Variants in SULF1 observed in about 807,000 individuals in gnomAD.
The protein encoded by SULF1 is extracellular sulfatase Sulf-1.
Under a neutral mutation model 110.5 loss-of-function variants are expected in SULF1, and 46 were observed. The observed-to-expected ratio is 0.42, with a 90% CI of 0.33 to 0.53. The LOEUF is 0.53. Among genes scored for constraint, SULF1 ranks in the 20% least tolerant of loss-of-function variants. The pLI is 0.12. For missense variants in SULF1, 941 were observed against 1,094.2 expected (o/e 0.86, Z 1.98); for synonymous variants, 371 against 387.1 (o/e 0.96, Z 0.49).
rs1429940379 is a variant in SULF1, at chr8:69,659,106, T to G, written c.*571T>G. On this transcript the variant is annotated 3_prime_UTR_variant, in exon 23 of 23. Transcript: ENST00000402687. ...GGCACCCGAAAGAACTTCCCCAGTA[T>G]GGTGGTCCTGGAAAGGACATTTTTG... The G allele has an allele frequency of 2.2e-6, 1 of 456,756 alleles. No individual in the cohort carries two copies. The highest frequency in any genetic ancestry group is 6.9e-5 in the East Asian group (1 of 14,398). 28.3% of individuals were successfully genotyped at this position (456,756 alleles called of 1,614,324 possible).
At chr8:69,489,571 CTTTTTTTT>C (rs61391745), upstream of SULF1, among the ~76,000 whole-genome samples, 8 of 91,982 alleles carry the variant, frequency 8.7e-5, no homozygotes, top group East Asian at 2.3e-3. Context: ...CTTTCTTTCT[CTTTTTTTT>C]TTTTTTTTTT....
At chr8:69,582,103 A>C (rs1806112442) in intron 6 of SULF1, among the ~76,000 whole-genome samples, 1 of 152,220 alleles carries the variant, frequency 6.6e-6, no homozygotes, top group African/African-American at 2.4e-5. Context: ...AAAATATCCT[A>C]CAAAGTAAAA....
chr8:69,654,967 A>T (rs575159757), intron 22 of SULF1, among the ~76,000 whole-genome samples: 1 of 152,334 alleles, frequency 6.6e-6, no homozygotes, highest in African/African-American at 2.4e-5. Context: ...GAAGAAATGT[A>T]ACTTGGTGGT....
At chr8:69,544,074 C>T (rs148492200) in intron 3 of SULF1, among the ~76,000 whole-genome samples, 22 of 152,122 alleles carry the variant, frequency 1.4e-4, no homozygotes, top group Admixed American at 1.2e-3. Flanking sequence ...TAAGGTGTTT[C>T]GATTTACACA....
intron 3 of SULF1, among the ~76,000 whole-genome samples, chr8:69,515,969 A>G (rs1949336841): frequency 6.6e-6 from 1 of 152,162 alleles, no homozygotes; most frequent in Non-Finnish European, 1.5e-5. Context: ...CCATATCACT[A>G]TCAGCATTTT....
At chr8:69,501,084 G>T (rs1025544146) in intron 2 of SULF1, among the ~76,000 whole-genome samples, 3 of 152,188 alleles carry the variant, frequency 2.0e-5, no homozygotes, top group African/African-American at 7.2e-5. Flanking sequence ...GTAGTCACCA[G>T]TGGAAAAGTA....
intron 13 of SULF1, among the ~76,000 whole-genome samples, chr8:69,618,862 C>A (rs915194948): frequency 6.6e-6 from 1 of 152,208 alleles, no homozygotes; most frequent in African/African-American, 2.4e-5. Flanking sequence ...AACCATGGCT[C>A]TGCATCTTGG....
intron 3 of SULF1, among the ~76,000 whole-genome samples, chr8:69,522,629 C>T (rs1583885): frequency 0.52 from 79,414 of 151,996 alleles, 21,493 homozygotes; most frequent in South Asian, 0.65. Flanking sequence ...AAAGTCTAAC[C>T]GCCGAAATAC....
At chr8:69,515,220 T>A (rs974507938) in intron 3 of SULF1, among the ~76,000 whole-genome samples, 10 of 152,164 alleles carry the variant, frequency 6.6e-5, no homozygotes, top group African/African-American at 1.9e-4. Flanking sequence ...TCCAGGCATG[T>A]CCATTTATCC....
At chr8:69,509,921 T>C (rs1811441270) in intron 3 of SULF1, among the ~76,000 whole-genome samples, 1 of 152,200 alleles carries the variant, frequency 6.6e-6, no homozygotes, top group East Asian at 1.9e-4. Context: ...AGCTTTCTGG[T>C]TGTGAAAATA....
chr8:69,577,526 C>A (rs1805706248), intron 6 of SULF1, among the ~76,000 whole-genome samples: 1 of 152,110 alleles, frequency 6.6e-6, no homozygotes, highest in Non-Finnish European at 1.5e-5. Flanking sequence ...TCCCTAGTAG[C>A]AAACATGGAA....
rs568824093 is a variant in SULF1, at chr8:69,659,250, GGA to G, written c.*718_*719del. The G allele has an allele frequency of 4.6e-5, 21 of 453,890 alleles. No homozygotes were observed. The highest frequency in any genetic ancestry group is 7.1e-5 in the Non-Finnish European group (16 of 225,918). The allele number at this position is 453,890 out of a possible 1,614,324, so 28.1% of individuals were successfully genotyped here. ...TAGCGGGGAAGATGTTGACCAAGGTGGAGAAGAATCACGAAAAGGAGAAGTCA... is the reference window on the plus strand; with the variant it reads ...TAGCGGGGAAGATGTTGACCAAGGTGGAAGAATCACGAAAAGGAGAAGTCA... On this transcript the variant is annotated 3_prime_UTR_variant, in exon 23 of 23. Coordinates refer to ENST00000402687, the MANE Select transcript of SULF1 (RefSeq NM_001128205.2).
intron 1 of SULF1, among the ~76,000 whole-genome samples, chr8:69,467,922 C>A (rs914690063): frequency 1.3e-5 from 2 of 151,952 alleles, no homozygotes; most frequent in Non-Finnish European, 2.9e-5. Flanking sequence ...AAGCACCCAC[C>A]AATATTGAAT....
intron 3 of SULF1, among the ~76,000 whole-genome samples, chr8:69,547,985 A>G (rs1160830481): frequency 3.9e-5 from 6 of 152,168 alleles, no homozygotes; most frequent in Non-Finnish European, 8.8e-5. Context: ...CTCTAAGTTC[A>G]TTTATCTAAC....
rs141287596 is a variant in SULF1, at chr8:69,561,699, C to T, written c.-133-1840C>T. 9.8e-5 allele frequency among the ~76,000 whole-genome samples: 15 copies of T among 152,316 alleles called. No individual in the cohort carries two copies. The East Asian group carries it at 2.9e-3, about 29-fold the overall frequency. On this transcript the variant is annotated intron_variant, in intron 3 of 22. Coordinates refer to ENST00000402687, the MANE Select transcript of SULF1 (RefSeq NM_001128205.2). ...GATGCACAAAGGCCCTCTTCACAAA[C>T]TCTCCCTTCACACACCTCTGCAGGC...
chr8:69,593,232 G>T (rs1377782019), intron 8 of SULF1, among the ~76,000 whole-genome samples: 1 of 152,180 alleles, frequency 6.6e-6, no homozygotes, highest in Non-Finnish European at 1.5e-5. Flanking sequence ...CAGACAAAAG[G>T]AGTGAGATAA....
chr8:69,639,322 T>C (rs1317159412), intron 21 of SULF1, among the ~76,000 whole-genome samples: 3 of 152,202 alleles, frequency 2.0e-5, no homozygotes, highest in Admixed American at 2.0e-4. Context: ...GACACTGAAT[T>C]AGATTTCTTT....
chr8:69,620,915 C>T (rs1809544760), intron 13 of SULF1, 120 bp from the exon 14 acceptor site: 3 of 726,890 alleles, frequency 4.1e-6, no homozygotes, highest in African/African-American at 1.8e-5. Flanking sequence ...CATTCACTCT[C>T]CTTAATGATA....
At position 69,623,967 on chromosome 8, in the gene SULF1, T is replaced by A; in HGVS notation, c.1620T>A (p.Thr540=). 1 of 1,614,070 alleles carries A rather than the reference T, an allele frequency of 6.2e-7. No homozygotes were observed. The highest frequency in any genetic ancestry group is 1.7e-5 in the Admixed American group (1 of 60,002). Reference sequence around the variant, plus strand: ...AGTACAAGCCCAGATTTGTCCATACTCGGCAGACACGTTCCTTGTCCGTCG... The same window carrying A: ...AGTACAAGCCCAGATTTGTCCATACACGGCAGACACGTTCCTTGTCCGTCG... The part of the protein sequence containing the change: ...TPKYKPRFVH[T]RQTRSLSVEF... The change falls in exon 15 of 23, where the codon ACT becomes ACA. Residue 540 remains threonine, a synonymous_variant. Transcript: ENST00000402687.
Sources: gnomAD v4.1 joint callset for allele counts (sites outside exome capture counted in the v4.1 genomes callset) on GRCh38, gnomAD v4.1.1 for gene constraint, MANE v1.5 for transcripts, NCBI Gene and HGNC (gene_info 2026-07-23, HGNC 2026-07-21) for gene names.